Variants in CEP152 observed in about 807,000 individuals in gnomAD.
CEP152 encodes centrosomal protein of 152 kDa.
CEP152 carries 132 observed loss-of-function variants against 188.9 expected under a neutral mutation model. That is an observed-to-expected ratio of 0.70 (90% confidence interval 0.61 to 0.81). The LOEUF is 0.81. Among genes scored for constraint, CEP152 ranks in the 30% least tolerant of loss-of-function variants. The pLI is 0.00. For missense variants in CEP152, 1,914 were observed against 1,969.8 expected, an observed-to-expected ratio of 0.97 and a Z score of 0.54; for synonymous variants, 649 against 666.6, an observed-to-expected ratio of 0.97 and a Z score of 0.41.
intron 2 of CEP152, among the ~76,000 whole-genome samples, chr15:48,801,398 G>A (rs1451972190): frequency 6.6e-6 from 1 of 152,196 alleles, no homozygotes; most frequent in Non-Finnish European, 1.5e-5. Context: ...TATTCTATTA[G>A]AGAAGTACCA....
Position 48,793,333 on chromosome 15 carries a change from C to A in CEP152, c.820G>T (p.Val274Leu). The change falls in exon 7 of 27, where the codon GTA becomes TTA. Residue 274 changes from valine to leucine, a missense_variant. By Grantham distance (32) the Val-to-Leu change is conservative. Coordinates refer to ENST00000380950, the MANE Select transcript of CEP152 (RefSeq NM_001194998.2). ...RQIRYLNHQL[V>L]IIKDEKDGLT... ...TCCAGCATCTTACCTTTTATTATTACAAGCTGGTGATTCAGATATCGAATT... is the reference window on the plus strand; with the variant it reads ...TCCAGCATCTTACCTTTTATTATTAAAAGCTGGTGATTCAGATATCGAATT... The A allele has an allele frequency of 1.9e-6, 3 of 1,613,926 alleles. No individual in the cohort carries two copies. The highest frequency in any genetic ancestry group is 2.5e-6 in the Non-Finnish European group (3 of 1,179,914).
chr15:48,784,766 A>C (rs1248293496), intron 9 of CEP152, among the ~76,000 whole-genome samples: 1 of 152,224 alleles, frequency 6.6e-6, no homozygotes, highest in Non-Finnish European at 1.5e-5. Flanking sequence ...ACACTTGAAA[A>C]ATAAATGACA....
intron 1 of CEP152, among the ~76,000 whole-genome samples, chr15:48,807,561 C>CA (rs11320949): frequency 0.078 from 8,528 of 108,884 alleles, 342 homozygotes; most frequent in Middle Eastern, 0.14. Flanking sequence ...GACTCCGTCT[C>CA]AAAAAAAAAA....
At chr15:48,754,410 G>A (rs931337295) in intron 20 of CEP152, among the ~76,000 whole-genome samples, 13 of 151,962 alleles carry the variant, frequency 8.6e-5, no homozygotes, top group South Asian at 4.2e-4. Flanking sequence ...TATAAAAATC[G>A]AAACATGCTT....
Position 48,731,417 on chromosome 15 carries a change from C to T in CEP152, c.142+10214G>A, listed in dbSNP as rs147064688. On this transcript the variant is annotated intron_variant and NMD_transcript_variant, in intron 2 of 3. Transcript: ENST00000561245. ...TTTAAAATAGTCACGTTTTTCCTGACGAAAACGAGCAATGGGGAAAGGATC... is the reference window on the plus strand; with the variant it reads ...TTTAAAATAGTCACGTTTTTCCTGATGAAAACGAGCAATGGGGAAAGGATC... Among the ~76,000 whole-genome samples the T allele has an allele frequency of 9.2e-3, 1,393 of 152,180 alleles. 24 individuals are homozygous for T. The highest frequency in any genetic ancestry group is 0.033 in the African/African-American group (1,351 of 41,494).
intron 2 of CEP152, among the ~76,000 whole-genome samples, chr15:48,800,858 A>G (rs1897626051): frequency 6.6e-6 from 1 of 152,158 alleles, no homozygotes; most frequent in African/African-American, 2.4e-5. Flanking sequence ...CTTAAAAAGA[A>G]AAAAAAAGAG....
In CEP152 at chr15:48,739,090, A is replaced by G. The variant is rs375113825; in HGVS notation, c.4292T>C (p.Ile1431Thr). 1.1e-5 allele frequency: 17 copies of G among 1,614,208 alleles called. No individual in the cohort carries two copies. The highest frequency in any genetic ancestry group is 1.4e-5 in the Non-Finnish European group (17 of 1,180,016). Reference sequence around the variant, plus strand: ...TGTCTCTTTGGATCCCACATGCTTTATGCTCTGATGCTCTGAGTTCTCTAA... The same window carrying G: ...TGTCTCTTTGGATCCCACATGCTTTGTGCTCTGATGCTCTGAGTTCTCTAA... The part of the protein sequence containing the change: ...RLLENSEHQS[I>T]KHVGSKETHL... The change falls in exon 27 of 27, where the codon ATA becomes ACA. Residue 1431 changes from isoleucine (I) to threonine (T), a missense_variant. Physicochemically the swap from Ile to Thr is moderately conservative, Grantham distance 89. Transcript: ENST00000380950.
chr15:48,752,460 C>T lies in CEP152; in HGVS notation c.3355G>A (p.Ala1119Thr), dbSNP rs61745204. 1.1e-4 allele frequency: 179 copies of T among 1,613,348 alleles called. No individual in the cohort carries two copies. The African/African-American group carries it at 2.1e-3, about 19-fold the overall frequency. Reference sequence around the variant, plus strand: ...CTGGCAGAATCCTTAGAGAGCTCGGCCATATTTCTCTGAAATAAAGTATCT... The same window carrying T: ...CTGGCAGAATCCTTAGAGAGCTCGGTCATATTTCTCTGAAATAAAGTATCT... ...ADPEWKKRNM[A>T]ELSKDSASQG... is the part of the protein sequence containing the mutation. The change falls in exon 21 of 27, where the codon GCC becomes ACC. Residue 1119 changes from alanine (A) to threonine (T), a missense_variant. Physicochemically the swap from Ala to Thr is moderately conservative, Grantham distance 58 (BLOSUM62 0). Transcript: ENST00000380950.
intron 8 of CEP152, among the ~76,000 whole-genome samples, chr15:48,789,816 C>T (rs1037908662): frequency 2.0e-5 from 3 of 152,274 alleles, no homozygotes; most frequent in Middle Eastern, 3.4e-3. Flanking sequence ...CTAAAGCCTC[C>T]GGAAAGCAAT....
At chr15:48,768,859 T>G (rs1232670820) in intron 14 of CEP152, 97 bp downstream of exon 14, 2 of 897,572 alleles carry the variant, frequency 2.2e-6, no homozygotes, top group East Asian at 5.4e-5. Context: ...GTCTACTAAC[T>G]CACATTGCCT....
chr15:48,741,353 G>A (rs1892959694), intron 26 of CEP152: 3 of 1,300,046 alleles, frequency 2.3e-6, no homozygotes, highest in African/African-American at 1.5e-5. Context: ...TTTATTTGCT[G>A]TTTAAAATCT....
chr15:48,786,777 C>G (rs1012925431), intron 9 of CEP152, among the ~76,000 whole-genome samples: 1 of 152,168 alleles, frequency 6.6e-6, no homozygotes, highest in Admixed American at 6.6e-5. Flanking sequence ...GGGTCTGAAA[C>G]CCACCCAGCA....
Position 48,741,931 on chromosome 15 carries a change from T to C in CEP152, c.3989+16A>G, listed in dbSNP as rs749313212. 9 of 1,614,090 alleles carry C rather than the reference T, an allele frequency of 5.6e-6. No individual in the cohort carries two copies. The highest frequency in any genetic ancestry group is 1.7e-5 in the Admixed American group (1 of 60,002). On this transcript the variant is annotated intron_variant, in intron 25 of 26. Coordinates refer to ENST00000380950, the MANE Select transcript of CEP152 (RefSeq NM_001194998.2). ...GTCCTGGTAATCTCAGGACACATTG[T>C]TCAGACTGAACTCACCCTTCTTTTC...
At chr15:48,769,777 C>T (rs1000331250) in intron 13 of CEP152, among the ~76,000 whole-genome samples, 15 of 152,146 alleles carry the variant, frequency 9.9e-5, no homozygotes, top group Non-Finnish European at 1.8e-4. Context: ...CATTCACTCA[C>T]GGACATATAT....
intron 7 of CEP152, among the ~76,000 whole-genome samples, 170 bp downstream of exon 7, chr15:48,793,151 A>T (rs1897091713): frequency 6.6e-6 from 1 of 152,158 alleles, no homozygotes; most frequent in Admixed American, 6.5e-5. Context: ...AAGAGAAGTA[A>T]TCCAAGGCCA....
chr15:48,804,955 C>T (rs1436116722), intron 2 of CEP152, among the ~76,000 whole-genome samples: 1 of 152,230 alleles, frequency 6.6e-6, no homozygotes, highest in East Asian at 1.9e-4. Context: ...AGCTTACACT[C>T]ATTGGTGTTT....
intron 12 of CEP152, among the ~76,000 whole-genome samples, chr15:48,773,803 G>A (rs1895715584): frequency 6.6e-6 from 1 of 152,166 alleles, no homozygotes. Flanking sequence ...TAACTTGTGT[G>A]TCACAGAAAA....
chr15:48,810,519 T>A (rs1248862072), intron 1 of CEP152: 2 of 152,216 alleles, frequency 1.3e-5, no homozygotes, highest in African/African-American at 4.8e-5. Context: ...GCGAATGACC[T>A]TGAGGAACTG....
chr15:48,756,592 G>C, intron 19 of CEP152, 39 bp from the exon 20 acceptor site: 1 of 1,589,714 alleles, frequency 6.3e-7, no homozygotes, highest in Non-Finnish European at 8.5e-7. Context: ...AAGTCTTTAT[G>C]ATTCTCCTCC....
Sources: allele counts gnomAD v4.1 joint callset (sites outside exome capture counted in the v4.1 genomes callset), GRCh38; gene constraint gnomAD v4.1.1; transcripts MANE v1.5; gene names NCBI Gene and HGNC (gene_info 2026-07-23, HGNC 2026-07-21).